The following TRPM3 variants were observed in gnomAD, a reference collection of about 807,000 sequenced individuals.
TRPM3 encodes transient receptor potential cation channel subfamily M member 3, also known as long transient receptor potential channel 3.
In TRPM3, 77 loss-of-function variants were observed where a neutral mutation model predicts 181.2. That is an observed-to-expected ratio of 0.42 (90% CI 0.35 to 0.51). TRPM3 has a LOEUF of 0.51. Ranked by LOEUF, TRPM3 falls within the 20% of genes least tolerant of loss-of-function variation. TRPM3 has a pLI of 0.01. For synonymous variants in TRPM3, 745 were observed against 796.4 expected (o/e 0.94, Z 1.09); for missense variants, 1,759 against 2,196.7 (o/e 0.80, Z 3.98).
Position 70,532,428 on chromosome 9 carries a change from A to C in TRPM3, c.*3525T>G, listed in dbSNP as rs1261085636. The C allele has an allele frequency of 6.6e-6, 1 of 152,218 alleles. No individual in the cohort carries two copies. Among genetic ancestry groups the C allele is most frequent in the Non-Finnish European group, 1.5e-5 (1 of 68,040 alleles). 9.4% of individuals were successfully genotyped at this position (152,218 alleles called of 1,614,324 possible). On this transcript the variant is annotated 3_prime_UTR_variant, in exon 26 of 26. Coordinates refer to ENST00000677713, the MANE Select transcript of TRPM3 (RefSeq NM_001366145.2). Reference sequence around the variant, plus strand: ...AATAATATCCTAGACCTGGAAACTTATACATTTAAAAAATCCAGTTCTGTA... The same window carrying C: ...AATAATATCCTAGACCTGGAAACTTCTACATTTAAAAAATCCAGTTCTGTA...
At chr9:71,317,707 G>A (rs988368918) in intron 1 of TRPM3, among the ~76,000 whole-genome samples, 4 of 151,516 alleles carry the variant, frequency 2.6e-5, no homozygotes, top group Non-Finnish European at 5.9e-5. Flanking sequence ...GCACACGCGC[G>A]AGAGAGAAGG....
intron 9 of TRPM3, among the ~76,000 whole-genome samples, chr9:70,669,747 C>CT (rs71367212): frequency 0.015 from 2,115 of 138,418 alleles, 29 homozygotes; most frequent in African/African-American, 0.028. Flanking sequence ...TCTTTCTTTT[C>CT]TTTTTTTTTT....
intron 6 of TRPM3, among the ~76,000 whole-genome samples, chr9:70,816,862 A>C (rs1474491458): frequency 6.6e-6 from 1 of 152,210 alleles, no homozygotes; most frequent in Admixed American, 6.5e-5. Context: ...AAAATAATCC[A>C]TATCTTTTTA....
chr9:71,327,289 C>A (rs538272035), intron 1 of TRPM3, among the ~76,000 whole-genome samples: 1 of 152,168 alleles, frequency 6.6e-6, no homozygotes, highest in African/African-American at 2.4e-5. Context: ...AAGCAATGAA[C>A]GACTGCCAAT....
chr9:71,098,863 C>T (rs952203312), intron 1 of TRPM3, among the ~76,000 whole-genome samples: 9 of 152,250 alleles, frequency 5.9e-5, no homozygotes, highest in African/African-American at 1.9e-4. Context: ...GCAAATGTCA[C>T]TACATCCAGA....
At chr9:71,379,274 A>G (rs553890465) in intron 1 of TRPM3, among the ~76,000 whole-genome samples, 1 of 152,190 alleles carries the variant, frequency 6.6e-6, no homozygotes, top group East Asian at 1.9e-4. Flanking sequence ...AAAATGTTGA[A>G]GAGCATTACT....
At chr9:70,619,440 G>T (rs1206340363) in intron 16 of TRPM3, among the ~76,000 whole-genome samples, 3 of 133,004 alleles carry the variant, frequency 2.3e-5, no homozygotes, top group Non-Finnish European at 4.7e-5. Flanking sequence ...TTGAGACAGG[G>T]TCTCTCTCTG....
intron 1 of TRPM3, among the ~76,000 whole-genome samples, chr9:71,406,954 G>GA (rs2093447440): frequency 6.6e-6 from 1 of 152,180 alleles, no homozygotes; most frequent in South Asian, 2.1e-4. Flanking sequence ...CACACTGAAG[G>GA]AAAAACTTAT....
At chr9:71,075,268 C>T (rs567029464) in intron 1 of TRPM3, among the ~76,000 whole-genome samples, 1 of 152,286 alleles carries the variant, frequency 6.6e-6, no homozygotes, top group Admixed American at 6.5e-5. Flanking sequence ...TATGGCTTTG[C>T]ACAAGATTCG....
intron 16 of TRPM3, 112 bp downstream of exon 16, chr9:70,619,964 C>A: frequency 9.5e-7 from 1 of 1,049,922 alleles, no homozygotes; most frequent in Non-Finnish European, 1.4e-6. Context: ...GTGTGCATCA[C>A]TGGGGTGATA....
chr9:70,773,906 T>A (rs181905294), intron 7 of TRPM3, among the ~76,000 whole-genome samples: 1 of 152,364 alleles, frequency 6.6e-6, no homozygotes, highest in Admixed American at 6.5e-5. Context: ...GATTGCCTGG[T>A]AGTCTTATAG....
In TRPM3 at chr9:71,349,520, T is replaced by C. The variant is rs191717979; in HGVS notation, c.183+97133A>G. ...ACGTTCAGTAAATCGTTTCCTTAAA[T>C]GGAGATTGAATTTAGGTTTTTAAAA... On this transcript the variant is annotated intron_variant, in intron 1 of 24. Transcript: ENST00000357533. 3.7e-4 allele frequency among the ~76,000 whole-genome samples: 57 copies of C among 152,332 alleles called. No individual in the cohort carries two copies. The Middle Eastern group carries it at 0.01, about 27-fold the overall frequency.
intron 22 of TRPM3, among the ~76,000 whole-genome samples, chr9:70,572,170 GAAAAATTCCTTATGTTC>G (rs1041912439): frequency 2.6e-5 from 4 of 151,388 alleles, no homozygotes; most frequent in African/African-American, 9.8e-5. Flanking sequence ...TAAATCTTTA[GAAAAATTCCTTATGTTC>G]AAATGTGGAA....
intron 1 of TRPM3, among the ~76,000 whole-genome samples, chr9:71,282,388 G>GAAAGAAAGAAAGGA (rs1314870838): frequency 4.5e-5 from 3 of 67,006 alleles, no homozygotes; most frequent in African/African-American, 2.7e-4. Context: ...AGAAAGAAAG[G>GAAAGAAAGAAAGGA]AAAGAAAGAA....
intron 1 of TRPM3, among the ~76,000 whole-genome samples, chr9:71,055,492 A>T (rs1388022572): frequency 3.3e-5 from 5 of 152,112 alleles, no homozygotes; most frequent in African/African-American, 1.2e-4. Flanking sequence ...TTCTCAGCAT[A>T]TATCTTTATA....
intron 1 of TRPM3, among the ~76,000 whole-genome samples, chr9:71,408,434 G>C (rs772116294): frequency 6.6e-6 from 1 of 152,170 alleles, no homozygotes; most frequent in Non-Finnish European, 1.5e-5. Flanking sequence ...TGAAAACCAT[G>C]GCACGAGAAC....
intron 8 of TRPM3, among the ~76,000 whole-genome samples, chr9:70,740,518 C>A (rs2073846742): frequency 6.6e-6 from 1 of 152,080 alleles, no homozygotes; most frequent in Non-Finnish European, 1.5e-5. Flanking sequence ...GCTTGCATAG[C>A]CAAGGCAAGA....
intron 7 of TRPM3, among the ~76,000 whole-genome samples, chr9:70,771,177 C>A (rs1336851476): frequency 6.6e-6 from 1 of 152,152 alleles, no homozygotes. Context: ...CAACCTCCTA[C>A]TTTAATATTT....
intron 7 of TRPM3, among the ~76,000 whole-genome samples, chr9:70,764,799 CT>C (rs1336470444): frequency 6.6e-6 from 1 of 152,156 alleles, no homozygotes; most frequent in African/African-American, 2.4e-5. Flanking sequence ...TGATTCAGTT[CT>C]TTTTCCATCC....
Sources: gnomAD v4.1 joint callset for allele counts (sites outside exome capture counted in the v4.1 genomes callset) on GRCh38, gnomAD v4.1.1 for gene constraint, MANE v1.5 for transcripts, NCBI Gene and HGNC (gene_info 2026-07-23, HGNC 2026-07-21) for gene names.